DEGS2: variants seen among roughly 807,000 people sequenced by gnomAD.
DEGS2 encodes the protein delta 4-desaturase, sphingolipid 2.
Under a neutral mutation model 23.8 loss-of-function variants are expected in DEGS2, and 19 were observed. That is an observed-to-expected ratio of 0.80 (90% CI 0.56 to 1.17). The LOEUF is 1.17. Among genes scored for constraint, DEGS2 ranks in the 50% most tolerant of loss-of-function variants. The probability of loss-of-function intolerance (pLI) is 0.00; values close to 1 mark genes in which losing one functional copy is unlikely to be tolerated. For missense variants in DEGS2, 390 were observed against 459.5 expected, an observed-to-expected ratio of 0.85 and a Z score of 1.38; for synonymous variants, 218 against 213.7, an observed-to-expected ratio of 1.02 and a Z score of -0.18.
At chr14:100,165,089 C>T in the DEGS2 span, among the ~76,000 whole-genome samples, 36 of 152,214 alleles carry the variant, frequency 2.4e-4, no homozygotes, top group African/African-American at 8.7e-4. Flanking sequence ...AGAGGCTGCC[C>T]CTCCTAGGAC....
At chr14:100,154,862 C>T (rs950154620) in intron 1 of DEGS2, among the ~76,000 whole-genome samples, 2 of 152,236 alleles carry the variant, frequency 1.3e-5, no homozygotes, top group African/African-American at 2.4e-5. Flanking sequence ...CACGCCACAC[C>T]CCTACTCCCA....
chr14:100,150,387 A>ACCCCCCCCCCCCCCCC (rs778863717), intron 1 of DEGS2, among the ~76,000 whole-genome samples: 5 of 92,320 alleles, frequency 5.4e-5, no homozygotes, highest in South Asian at 4.3e-4. Context: ...CCACCCCAAC[A>ACCCCCCCCCCCCCCCC]CCCCCCCCCG....
chr14:100,166,714 G>T, the DEGS2 span, among the ~76,000 whole-genome samples: 2 of 152,160 alleles, frequency 1.3e-5, no homozygotes, highest in Admixed American at 1.3e-4. Context: ...ACAGGGCCAT[G>T]AGGGGTCAGC....
rs774627972 is a variant in DEGS2 at position 100,149,447 on chromosome 14, C to T, written c.346G>A (p.Val116Met). Residue 116 changes from valine to methionine, a missense_variant, in exon 2 of 3, where the codon GTG becomes ATG. By Grantham distance (21) the Val-to-Met change is conservative. Coordinates refer to ENST00000305631, the MANE Select transcript of DEGS2 (RefSeq NM_206918.3). The stretch of plus-strand genomic sequence containing the variant: ...AAGGAGGCGGCGTAGGGCACACCCA[C>T]GGGCAGGTTGGCGAACACGGCCAGC... ...RWLAVFANLP[V>M]GVPYAASFKK... 32 of 1,597,002 alleles carry T rather than the reference C, an allele frequency of 2.0e-5. No homozygotes were observed. Among genetic ancestry groups the T allele is most frequent in the East Asian group, 1.3e-4 (6 of 44,484 alleles).
Position 100,149,724 on chromosome 14 carries a change from A to T in DEGS2, c.83-14T>A. The T allele has an allele frequency of 6.3e-7, 1 of 1,586,426 alleles. No individual in the cohort carries two copies. The highest frequency in any genetic ancestry group is 8.6e-7 in the Non-Finnish European group (1 of 1,165,330). On this transcript the variant is annotated splice_polypyrimidine_tract_variant and intron_variant, in intron 1 of 2. Transcript: ENST00000305631. ...CCGGGTACTTGGCTGCAAGGAAGAC[A>T]GGGAGGTATGAGGCCCCGCTCGGTG...
At position 100,159,502 on chromosome 14, in the gene DEGS2, T is replaced by C; in HGVS notation, c.82+4A>G. On this transcript the variant is annotated splice_donor_region_variant and intron_variant, in intron 1 of 2. Transcript: ENST00000305631. ...CACCGGGGTGGGCCCCGCGCGGCGC[T>C]CACCCAGTATCTCCTTGCGCCGCTG... 6.7e-7 allele frequency: 1 copy of C among 1,490,664 alleles called. No individual in the cohort carries two copies. The highest frequency in any genetic ancestry group is 1.3e-5 in the South Asian group (1 of 78,830). 92.3% of individuals were successfully genotyped at this position (1,490,664 alleles called of 1,614,324 possible). A position where few individuals can be genotyped will look rare whatever the true frequency, so the allele number is the denominator to read the frequency against.
upstream of DEGS2, among the ~76,000 whole-genome samples, chr14:100,161,398 A>G (rs1889744834): frequency 6.6e-6 from 1 of 152,156 alleles, no homozygotes; most frequent in Non-Finnish European, 1.5e-5. Flanking sequence ...GCATGAAATC[A>G]AGTCTGATGC....
In DEGS2 at chr14:100,149,059, T is replaced by G. The variant is rs1394503909; in HGVS notation, c.734A>C (p.Tyr245Ser). ...MFLKGHETYS[Y>S]YGPLNWITFN... ...GGTGATCCAGTTGAGAGGCCCATAGTAGGAGTAGGTCTCGTGGCCCTTGAG... is the reference window on the plus strand; with the variant it reads ...GGTGATCCAGTTGAGAGGCCCATAGGAGGAGTAGGTCTCGTGGCCCTTGAG... Residue 245 changes from tyrosine (Y) to serine (S), a missense_variant, in exon 2 of 3, where the codon TAC (tyrosine) becomes TCC (serine). Transcript: ENST00000305631. The G allele has an allele frequency of 3.1e-6, 5 of 1,612,776 alleles. No individual in the cohort carries two copies. The highest frequency in any genetic ancestry group is 4.2e-6 in the Non-Finnish European group (5 of 1,179,992).
chr14:100,149,748 T>C (rs1889533715), intron 1 of DEGS2, 38 bp from the exon 2 acceptor site: 3 of 1,551,548 alleles, frequency 1.9e-6, no homozygotes, highest in Non-Finnish European at 2.6e-6. Flanking sequence ...CCCCGCTCGG[T>C]GGGGCTGCAC....
chr14:100,158,509 C>T (rs906579387), intron 1 of DEGS2, among the ~76,000 whole-genome samples: 2 of 152,096 alleles, frequency 1.3e-5, no homozygotes, highest in Non-Finnish European at 2.9e-5. Flanking sequence ...TCGCAGTGAG[C>T]CGAGATCGCG....
intron 2 of DEGS2, among the ~76,000 whole-genome samples, chr14:100,148,307 C>T (rs753642901): frequency 3.3e-5 from 5 of 152,198 alleles, no homozygotes; most frequent in South Asian, 2.1e-4. Flanking sequence ...TGCGCTCAGG[C>T]GCTCGAACAC....
chr14:100,147,401 C>T (rs1176694160), intron 2 of DEGS2, among the ~76,000 whole-genome samples: 1 of 152,170 alleles, frequency 6.6e-6, no homozygotes, highest in Non-Finnish European at 1.5e-5. Context: ...CCTACCAGGC[C>T]ACAGTGTCAC....
chr14:100,149,701 G>C lies in DEGS2; in HGVS notation c.92C>G (p.Pro31Arg). The change falls in exon 2 of 3, where the codon CCG becomes CGG. Residue 31 changes from proline (P) to arginine (R), a missense_variant. By Grantham distance (103) the Pro-to-Arg change is moderately radical. Transcript: ENST00000305631. ...QRRKEILAKY[P>R]AIKALMRPDP... Reference sequence around the variant, plus strand: ...TGGCCGCATCAGGGCCTTGATGGCCGGGTACTTGGCTGCAAGGAAGACAGG... The same window carrying C: ...TGGCCGCATCAGGGCCTTGATGGCCCGGTACTTGGCTGCAAGGAAGACAGG... The C allele has an allele frequency of 6.2e-7, 1 of 1,600,364 alleles. No individual in the cohort carries two copies. The highest frequency in any genetic ancestry group is 8.5e-7 in the Non-Finnish European group (1 of 1,172,934).
At position 100,146,199 on chromosome 14, in the gene DEGS2, C is replaced by T. The variant is rs1889442036; in HGVS notation, c.*562G>A. 1 of 153,152 alleles carries T rather than the reference C, an allele frequency of 6.5e-6. No individual in the cohort carries two copies. The highest frequency in any genetic ancestry group is 6.5e-5 in the Admixed American group (1 of 15,314). 9.5% of individuals were successfully genotyped at this position (153,152 alleles called of 1,614,324 possible). A position where few individuals can be genotyped will look rare whatever the true frequency, so the allele number is the denominator to read the frequency against. On this transcript the variant is annotated 3_prime_UTR_variant, in exon 3 of 3. Transcript: ENST00000305631. ...CAAAGTGAGCTTTCTGCTGTCCACA[C>T]CTCAGTGTGTGTGCACACCACAGTG...
upstream of DEGS2, chr14:100,159,659 C>T: frequency 3.1e-6 from 2 of 639,470 alleles, no homozygotes; most frequent in Non-Finnish European, 4.3e-6. Flanking sequence ...GGCCGCGGCG[C>T]GGAACCAGCT....
rs79255251 is a variant in DEGS2 at position 100,145,580 on chromosome 14, A to T, written c.*1181T>A. 7,874 of 152,214 alleles carry T rather than the reference A, an allele frequency of 0.052. 280 individuals carry two copies. Among genetic ancestry groups the T allele is most frequent in the Non-Finnish European group, 0.074 (5,052 of 67,990 alleles). 9.4% of individuals were successfully genotyped at this position (152,214 alleles called of 1,614,324 possible). A position where few individuals can be genotyped will look rare whatever the true frequency, so the allele number is the denominator to read the frequency against. The stretch of plus-strand genomic sequence containing the variant: ...ACTGTAGCCTCAGTCTCCATTCCTA[A>T]GTCCTGGAGGCTGAGGCCGCCTTCC... On this transcript the variant is annotated 3_prime_UTR_variant, in exon 3 of 3. Coordinates refer to ENST00000305631, the MANE Select transcript of DEGS2 (RefSeq NM_206918.3).
At chr14:100,150,048 T>C (rs34198017) in intron 1 of DEGS2, among the ~76,000 whole-genome samples, 47,115 of 152,024 alleles carry the variant, frequency 0.31, 7,692 homozygotes, top group South Asian at 0.43. Context: ...GGCTGTGCCT[T>C]GATGCCGTCT....
At chr14:100,162,908 C>G (rs1175802033), upstream of DEGS2, among the ~76,000 whole-genome samples, 1 of 152,242 alleles carries the variant, frequency 6.6e-6, no homozygotes, top group African/African-American at 2.4e-5. Context: ...TTGCAGAAAA[C>G]AGGCCAGAAG....
At chr14:100,147,667 C>CT (rs1314115685) in intron 2 of DEGS2, among the ~76,000 whole-genome samples, 8 of 147,480 alleles carry the variant, frequency 5.4e-5, no homozygotes, top group African/African-American at 2.0e-4. Context: ...TGCCCCCCCC[C>CT]CCCAGGATGC....
Sources: gnomAD v4.1 joint callset for allele counts (sites outside exome capture counted in the v4.1 genomes callset) on GRCh38, gnomAD v4.1.1 for gene constraint, MANE v1.5 for transcripts, NCBI Gene and HGNC (gene_info 2026-07-23, HGNC 2026-07-21) for gene names.